The following FAM13A variants were observed in gnomAD, a reference collection of about 807,000 sequenced individuals.
FAM13A encodes protein FAM13A.
A neutral mutation model predicts 129.6 loss-of-function variants in FAM13A; 76 were observed. The observed-to-expected ratio is 0.59, with a 90% CI of 0.49 to 0.71. The LOEUF (loss-of-function observed/expected upper bound fraction) is 0.71, where lower values mean the gene tolerates loss of function less well. Among genes scored for constraint, FAM13A ranks in the 30% least tolerant of loss-of-function variants. FAM13A has a pLI of 0.00. For missense variants in FAM13A, 1,108 were observed against 1,249.3 expected, an observed-to-expected ratio of 0.89 and a Z score of 1.70; for synonymous variants, 443 against 449.9, an observed-to-expected ratio of 0.98 and a Z score of 0.20.
chr4:88,893,826 C>CAAAAA (rs10700709), intron 6 of FAM13A, among the ~76,000 whole-genome samples: 1 of 118,064 alleles, frequency 8.5e-6, no homozygotes, highest in Non-Finnish European at 1.7e-5. Context: ...GACTCCGTCT[C>CAAAAA]AAAAAAAAAA....
intron 5 of FAM13A, among the ~76,000 whole-genome samples, chr4:88,922,436 T>C (rs998149702): frequency 4.6e-5 from 7 of 152,102 alleles, no homozygotes; most frequent in Admixed American, 4.6e-4. Context: ...CTGAACAACC[T>C]GCTCCTGAGT....
At chr4:88,864,249 AAAGATTC>A (rs1192778133) in intron 6 of FAM13A, among the ~76,000 whole-genome samples, 1 of 152,248 alleles carries the variant, frequency 6.6e-6, no homozygotes. Flanking sequence ...GGATGCCAGG[AAAGATTC>A]CAAAGAGTCA....
chr4:89,005,432 A>G (rs1440536216), intron 3 of FAM13A, among the ~76,000 whole-genome samples: 1 of 152,216 alleles, frequency 6.6e-6, no homozygotes, highest in Non-Finnish European at 1.5e-5. Flanking sequence ...GTATATACCT[A>G]GTAATGAGAT....
At chr4:88,989,959 T>C (rs1483243713) in intron 4 of FAM13A, 1 of 152,182 alleles carries the variant, frequency 6.6e-6, no homozygotes, top group Non-Finnish European at 1.5e-5. Flanking sequence ...AGAAAAAATA[T>C]AGACTTTTTA....
At chr4:88,879,761 G>A (rs1743215064) in intron 6 of FAM13A, among the ~76,000 whole-genome samples, 1 of 152,182 alleles carries the variant, frequency 6.6e-6, no homozygotes, top group Non-Finnish European at 1.5e-5. Context: ...TTACATTTGC[G>A]AGGGGCTGCT....
intron 9 of FAM13A, among the ~76,000 whole-genome samples, chr4:88,788,491 C>A (rs1313996189): frequency 6.6e-6 from 1 of 152,090 alleles, no homozygotes; most frequent in East Asian, 1.9e-4. Context: ...TCTTTCCTAA[C>A]CTCTATTCAA....
rs961632504 is a variant in FAM13A, at chr4:88,731,375, C to T, written c.2897G>A (p.Arg966Gln). The change falls in exon 23 of 24, where the codon CGA becomes CAA. Residue 966 changes from arginine to glutamine, a missense_variant. By Grantham distance (43) the Arg-to-Gln change is conservative. Coordinates refer to ENST00000264344, the MANE Select transcript of FAM13A (RefSeq NM_014883.4). ...QEMREEKKRI[R>Q]KKLRDFEDNF... ...GTCTTCAAAATCCCGAAGTTTCTTT[C>T]GAATCCTTTTCTTTTCTTCTCTCAT... The T allele has an allele frequency of 2.5e-6, 4 of 1,608,456 alleles. No homozygotes were observed. Among genetic ancestry groups the T allele is most frequent in the East Asian group, 2.2e-5 (1 of 44,880 alleles).
At chr4:89,050,408 G>A (rs1771430141) in intron 1 of FAM13A, among the ~76,000 whole-genome samples, 1 of 151,892 alleles carries the variant, frequency 6.6e-6, no homozygotes, top group South Asian at 2.1e-4. Flanking sequence ...GTTTTGTCAT[G>A]TTGGCCACAT....
At chr4:88,964,720 C>T (rs1193108544) in intron 4 of FAM13A, among the ~76,000 whole-genome samples, 5 of 151,296 alleles carry the variant, frequency 3.3e-5, no homozygotes, top group Non-Finnish European at 7.4e-5. Flanking sequence ...GTCCACATCC[C>T]TGGTTGAAGT....
intron 3 of FAM13A, among the ~76,000 whole-genome samples, chr4:89,010,766 C>T (rs1025365861): frequency 6.6e-6 from 1 of 152,134 alleles, no homozygotes; most frequent in South Asian, 2.1e-4. Flanking sequence ...GGTACAGACA[C>T]CAGGGTCAGG....
intron 6 of FAM13A, among the ~76,000 whole-genome samples, chr4:88,862,332 C>T (rs1739627386): frequency 6.6e-6 from 1 of 151,964 alleles, no homozygotes; most frequent in Non-Finnish European, 1.5e-5. Context: ...GGGAAGGCTT[C>T]CAGATAATGA....
chr4:88,768,128 T>C, intron 11 of FAM13A, 69 bp from the exon 12 acceptor site: 1 of 815,752 alleles, frequency 1.2e-6, no homozygotes, highest in Non-Finnish European at 2.1e-6. Flanking sequence ...CCCTCCTTTC[T>C]TTAAAATAGA....
intron 7 of FAM13A, among the ~76,000 whole-genome samples, chr4:88,821,911 A>G (rs963513651): frequency 6.6e-6 from 1 of 152,206 alleles, no homozygotes; most frequent in African/African-American, 2.4e-5. Context: ...TCTCACTGTA[A>G]GTATCTGTAG....
At chr4:89,018,131 A>G (rs1449823956) in intron 3 of FAM13A, among the ~76,000 whole-genome samples, 2 of 152,118 alleles carry the variant, frequency 1.3e-5, no homozygotes, top group Non-Finnish European at 2.9e-5. Context: ...TTCCCTCCAA[A>G]ATTCATATGT....
At chr4:88,731,959 A>G in intron 22 of FAM13A, 43 bp downstream of exon 22, 1 of 1,499,034 alleles carries the variant, frequency 6.7e-7, no homozygotes, top group Non-Finnish European at 9.1e-7. Flanking sequence ...TAAGTGAGCT[A>G]TTTTTACCAA....
At chr4:89,028,295 A>AG (rs1208849763) in intron 2 of FAM13A, among the ~76,000 whole-genome samples, 1 of 152,026 alleles carries the variant, frequency 6.6e-6, no homozygotes, top group Admixed American at 6.6e-5. Context: ...GATTGGTCAC[A>AG]GGTAAGAGTG....
intron 2 of FAM13A, among the ~76,000 whole-genome samples, chr4:89,025,531 T>A (rs1238973823): frequency 1.3e-5 from 2 of 152,060 alleles, no homozygotes; most frequent in Non-Finnish European, 2.9e-5. Flanking sequence ...CCCAAAGTGC[T>A]GGGATTACAG....
intron 6 of FAM13A, among the ~76,000 whole-genome samples, chr4:88,867,574 A>T (rs1740664607): frequency 6.6e-6 from 1 of 152,230 alleles, no homozygotes. Context: ...TTAAGTATTG[A>T]CTTTGGGGTT....
chr4:88,843,493 T>C (rs1225102684), intron 7 of FAM13A, among the ~76,000 whole-genome samples: 1 of 152,160 alleles, frequency 6.6e-6, no homozygotes, highest in African/African-American at 2.4e-5. Flanking sequence ...CAAACACATG[T>C]TCAGGAAGTA....
Sources: allele counts gnomAD v4.1 joint callset (sites outside exome capture counted in the v4.1 genomes callset), GRCh38; gene constraint gnomAD v4.1.1; transcripts MANE v1.5; gene names NCBI Gene and HGNC (gene_info 2026-07-23, HGNC 2026-07-21).